The following POLR3A variants were observed in gnomAD, a reference collection of about 807,000 sequenced individuals.
POLR3A encodes the protein RNA polymerase III subunit A.
POLR3A carries 112 observed loss-of-function variants against 152.8 expected under a neutral mutation model. The observed-to-expected ratio is 0.73, with a 90% CI of 0.63 to 0.86. POLR3A has a LOEUF of 0.86. Among genes scored for constraint, POLR3A ranks in the 40% least tolerant of loss-of-function variants. The probability of loss-of-function intolerance (pLI) is 0.00; values close to 1 mark genes in which losing one functional copy is unlikely to be tolerated. For missense variants in POLR3A, 1,385 were observed against 1,743.1 expected (o/e 0.79, Z 3.66); for synonymous variants, 615 against 652.1 (o/e 0.94, Z 0.87).
Position 77,983,970 on chromosome 10 carries a change from A to C in POLR3A, c.3379T>G (p.Phe1127Val). ...IEEVFLPDDC[F>V]ILVKLSLERI... is the part of the protein sequence containing the mutation. Reference sequence around the variant, plus strand: ...TCCAGGGAGAGCTTGACGAGAATAAAGCAGTCATCAGGAAGAAACACTTCT... The same window carrying C: ...TCCAGGGAGAGCTTGACGAGAATAACGCAGTCATCAGGAAGAAACACTTCT... Residue 1127 changes from phenylalanine to valine, a missense_variant, in exon 26 of 31, where the codon TTT becomes GTT. Phe to Val is a conservative substitution (Grantham distance 50, BLOSUM62 -1). Coordinates refer to ENST00000372371, the MANE Select transcript of POLR3A (RefSeq NM_007055.4). The C allele has an allele frequency of 6.2e-7, 1 of 1,613,040 alleles. No individual in the cohort carries two copies. The highest frequency in any genetic ancestry group is 1.3e-5 in the African/African-American group (1 of 75,038).
rs267608679 is a variant in POLR3A at position 78,004,792 on chromosome 10, C to T, written c.2171G>A (p.Cys724Tyr). 6.2e-7 allele frequency: 1 copy of T among 1,614,108 alleles called. No individual in the cohort carries two copies. The highest frequency in any genetic ancestry group is 1.7e-5 in the Admixed American group (1 of 60,024). The change falls in exon 16 of 31, where the codon TGT becomes TAT. Residue 724 changes from cysteine to tyrosine, a missense_variant. Cys to Tyr is a radical substitution (Grantham distance 194). This residue lies in a region of POLR3A where 170 missense variants were observed against 231.2 expected (regional missense o/e 0.74). Transcript: ENST00000372371. The stretch of plus-strand genomic sequence containing the variant: ...GTTCAGGGCTTCGATGTACTCATCA[C>T]ATTTCTTGTAGCCGGCATTCAGCAA... ...YELLNAGYKK[C>Y]DEYIEALNTG...
chr10:78,025,741 G>T lies in POLR3A; in HGVS notation c.199C>A (p.Arg67Ser), dbSNP rs749772283. 1.5e-5 allele frequency: 24 copies of T among 1,613,788 alleles called. No individual in the cohort carries two copies. The highest frequency in any genetic ancestry group is 1.9e-5 in the Non-Finnish European group (22 of 1,179,858). ...DHRMGTSEKD[R>S]PCETCGKNLA... The stretch of plus-strand genomic sequence containing the variant: ...TTTTTCCCACAGGTTTCACATGGAC[G>T]ATCCTTCTCACTCGTACCCTTTGAA... The change falls in exon 3 of 31, where the codon CGT (arginine) becomes AGT (serine). Residue 67 changes from arginine to serine, a missense_variant. By Grantham distance (110) the Arg-to-Ser change is moderately radical (BLOSUM62 -1). Transcript: ENST00000372371.
chr10:77,986,445 C>T (rs1307653694), intron 21 of POLR3A, among the ~76,000 whole-genome samples: 3 of 152,164 alleles, frequency 2.0e-5, no homozygotes, highest in African/African-American at 7.2e-5. Flanking sequence ...CCACAAAGTG[C>T]GTGGGAGCCT....
intron 10 of POLR3A, among the ~76,000 whole-genome samples, chr10:78,014,828 A>G (rs77810181): frequency 0.014 from 2,102 of 152,348 alleles, 47 homozygotes; most frequent in African/African-American, 0.046. Context: ...TTGCTTTATG[A>G]GCTGCACCTC....
At chr10:77,982,891 G>T in intron 26 of POLR3A, 74 bp from the exon 27 acceptor site, 1 of 1,451,354 alleles carries the variant, frequency 6.9e-7, no homozygotes, top group Non-Finnish European at 9.7e-7. Context: ...GCCCCTCTAA[G>T]AAGTCCTTTT....
intron 19 of POLR3A, among the ~76,000 whole-genome samples, chr10:77,996,150 G>A (rs1171387835): frequency 2.0e-5 from 3 of 151,844 alleles, no homozygotes; most frequent in Non-Finnish European, 4.4e-5. Context: ...TCTCTGGGAC[G>A]CATTCAAAGC....
At chr10:78,016,935 C>T (rs1186435401) in intron 10 of POLR3A, among the ~76,000 whole-genome samples, 1 of 151,360 alleles carries the variant, frequency 6.6e-6, no homozygotes, top group Non-Finnish European at 1.5e-5. Flanking sequence ...GTGCACACAA[C>T]ACATATACGT....
rs758875986 is a variant in POLR3A at position 77,980,129 on chromosome 10, C to T, written c.4024+12G>A. 2.5e-6 allele frequency: 4 copies of T among 1,613,312 alleles called. No individual in the cohort carries two copies. Among genetic ancestry groups the T allele is most frequent in the East Asian group, 4.5e-5 (2 of 44,876 alleles). ...AGGCCTTTGATGCTGTTCATAGAAA[C>T]ATCAAACCTACCACACACAGAGTCC... is the stretch of plus-strand genomic sequence containing the variant. On this transcript the variant is annotated intron_variant, in intron 30 of 30. Coordinates refer to ENST00000372371, the MANE Select transcript of POLR3A (RefSeq NM_007055.4).
chr10:77,994,534 T>C (rs1310688002), intron 19 of POLR3A, among the ~76,000 whole-genome samples: 1 of 146,726 alleles, frequency 6.8e-6, no homozygotes, highest in Admixed American at 6.8e-5. Flanking sequence ...CAGTAGCCAA[T>C]GCGATCAACT....
chr10:78,002,394 T>C, intron 16 of POLR3A, 86 bp from the exon 17 acceptor site: 1 of 935,816 alleles, frequency 1.1e-6, no homozygotes, highest in African/African-American at 1.6e-5. Flanking sequence ...TAAAGAAATT[T>C]GAAAATACTG....
chr10:77,995,752 C>G (rs1438753797), intron 19 of POLR3A, among the ~76,000 whole-genome samples: 1 of 152,250 alleles, frequency 6.6e-6, no homozygotes, highest in South Asian at 2.1e-4. Flanking sequence ...GACAGAACAA[C>G]GAGACAGAAA....
chr10:78,022,622 G>A (rs1222328092), intron 5 of POLR3A, among the ~76,000 whole-genome samples: 1 of 152,126 alleles, frequency 6.6e-6, no homozygotes, highest in Non-Finnish European at 1.5e-5. Context: ...CTTCAGAAAT[G>A]AACACAAAGA....
Position 77,982,212 on chromosome 10 carries a change from G to C in POLR3A, c.3701C>G (p.Ala1234Gly), listed in dbSNP as rs373960739. The change falls in exon 28 of 31, where the codon GCA (alanine) becomes GGA (glycine). Residue 1234 changes from alanine to glycine, a missense_variant. Physicochemically the swap from Ala to Gly is moderately conservative, Grantham distance 60. Coordinates refer to ENST00000372371, the MANE Select transcript of POLR3A (RefSeq NM_007055.4). ...CTTCACACCGTGTGTGGCCATGACT[G>C]CCCGCAGGTTATCACCTTCCACCAG... The part of the protein sequence containing the change: ...KLLVEGDNLR[A>G]VMATHGVKGT... 12 of 1,613,900 alleles carry C rather than the reference G, an allele frequency of 7.4e-6. No homozygotes were observed. Among genetic ancestry groups the C allele is most frequent in the Non-Finnish European group, 1.0e-5 (12 of 1,180,006 alleles).
In POLR3A at chr10:78,007,838, C is replaced by T; in HGVS notation, c.1938G>A (p.Met646Ile). ...SYVTIQNSEL[M>I]SGSMDKGTLG... ...GGGTTCCTTTGTCCATGCTGCCACTCATCAACTCACTGTTCTGGATTGTAA... is the reference window on the plus strand; with the variant it reads ...GGGTTCCTTTGTCCATGCTGCCACTTATCAACTCACTGTTCTGGATTGTAA... The change falls in exon 15 of 31, where the codon ATG becomes ATA. Residue 646 changes from methionine (M) to isoleucine (I), a missense_variant. Physicochemically the swap from Met to Ile is conservative, Grantham distance 10 (BLOSUM62 1). This residue lies in a region of POLR3A where 188 missense variants were observed against 179.9 expected (regional missense o/e 1.04). Coordinates refer to ENST00000372371, the MANE Select transcript of POLR3A (RefSeq NM_007055.4). The T allele has an allele frequency of 6.2e-7, 1 of 1,613,652 alleles. No individual in the cohort carries two copies. The highest frequency in any genetic ancestry group is 8.5e-7 in the Non-Finnish European group (1 of 1,179,576).
chr10:77,991,820 ATTTCCTCTTT>A (rs1327542774), intron 20 of POLR3A, among the ~76,000 whole-genome samples: 1 of 152,112 alleles, frequency 6.6e-6, no homozygotes, highest in Non-Finnish European at 1.5e-5. Flanking sequence ...CCCCAGCAGA[ATTTCCTCTTT>A]TTTCCTCTCC....
In POLR3A at chr10:78,009,538, G is replaced by A. The variant is rs2131949174; in HGVS notation, c.1908C>T (p.Ser636=). ...CCCACCCGAGTTCCGTCCACTCACA[G>A]GAATCATTGGCACAGAGATCTTCCC... The part of the protein sequence containing the change: ...GKGEDLCAND[S]YVTIQNSELM... The change falls in exon 14 of 31, where the codon TCC becomes TCT. Residue 636 remains serine, a splice_region_variant and synonymous_variant. Transcript: ENST00000372371. 6.2e-7 allele frequency: 1 copy of A among 1,614,212 alleles called. No homozygotes were observed. Among genetic ancestry groups the A allele is most frequent in the Admixed American group, 1.7e-5 (1 of 60,022 alleles).
chr10:77,985,104 GGGATCATT>G (rs1488569942), intron 24 of POLR3A, 58 bp downstream of exon 24: 5 of 1,293,524 alleles, frequency 3.9e-6, no homozygotes, highest in Non-Finnish European at 5.6e-6. Flanking sequence ...ATGTGACACG[GGGATCATT>G]GTTTCTCAGG....
intron 29 of POLR3A, among the ~76,000 whole-genome samples, 178 bp from the exon 30 acceptor site, chr10:77,980,451 C>T (rs1357713882): frequency 6.6e-6 from 1 of 152,098 alleles, no homozygotes; most frequent in Non-Finnish European, 1.5e-5. Flanking sequence ...GGTCAATCGT[C>T]GGCAACATGA....
chr10:78,007,701 C>T lies in POLR3A; in HGVS notation c.2074+1G>A. ...TAAAAGAAGGATGCTGAGATACTTA[C>T]ACAGGTAGACAGGAGCCAGCCTGGC... On this transcript the variant is annotated splice_donor_variant, in intron 15 of 30. Transcript: ENST00000372371. LOFTEE classifies it high-confidence loss of function. 1.9e-6 allele frequency: 3 copies of T among 1,613,098 alleles called. No homozygotes were observed. Among genetic ancestry groups the T allele is most frequent in the South Asian group, 1.1e-5 (1 of 91,060 alleles).
Sources: allele counts gnomAD v4.1 joint callset (sites outside exome capture counted in the v4.1 genomes callset), GRCh38; gene constraint gnomAD v4.1.1; regional missense constraint gnomAD v4.1.1; transcripts MANE v1.5; gene names NCBI Gene and HGNC (gene_info 2026-07-23, HGNC 2026-07-21).